Variants in YY1AP1 observed in about 807,000 individuals in gnomAD.
The protein encoded by YY1AP1 is YY1-associated protein 1.
Under a neutral mutation model 39.9 loss-of-function variants are expected in YY1AP1, and 43 were observed. The ratio of observed to expected loss-of-function variants is 1.08; its 90% confidence interval spans 0.84 to 1.39. The LOEUF (loss-of-function observed/expected upper bound fraction) is 1.39, where lower values mean the gene tolerates loss of function less well. Among genes scored for constraint, YY1AP1 ranks in the 40% most tolerant of loss-of-function variants. The pLI, the probability that YY1AP1 is intolerant of heterozygous loss-of-function variation, is 0.00. For synonymous variants in YY1AP1, 292 were observed against 331.3 expected, an observed-to-expected ratio of 0.88 and a Z score of 1.29; for missense variants, 813 against 900.7, an observed-to-expected ratio of 0.90 and a Z score of 1.25.
In YY1AP1 at chr1:155,660,316, T is replaced by C; in HGVS notation, c.1594A>G (p.Lys532Glu). Reference protein sequence around the residue: ...RKPYVRRRPSKRRGARAFRCI... With the variant: ...RKPYVRRRPSERRGARAFRCI... ...CGAAAGGCCCTGGCTCCCCTTCTTT[T>C]TGAGGGTCTCCGTCTCACATATGGC... Residue 532 changes from lysine (K) to glutamate (E), a missense_variant, in exon 11 of 11, where the codon AAA becomes GAA. Transcript: ENST00000355499. 1 of 1,614,170 alleles carries C rather than the reference T, an allele frequency of 6.2e-7. No individual in the cohort carries two copies. Among genetic ancestry groups the C allele is most frequent in the Non-Finnish European group, 8.5e-7 (1 of 1,180,026 alleles).
At chr1:155,686,748 A>C (rs1652448280) in intron 2 of YY1AP1, among the ~76,000 whole-genome samples, 1 of 152,164 alleles carries the variant, frequency 6.6e-6, no homozygotes, top group Admixed American at 6.5e-5. Context: ...TTCCTCCATA[A>C]ATCCAAAATA....
intron 9 of YY1AP1, among the ~76,000 whole-genome samples, chr1:155,662,111 T>C (rs147728276): frequency 6.0e-5 from 9 of 151,104 alleles, no homozygotes; most frequent in Non-Finnish European, 1.0e-4. Context: ...ATCTATAAAA[T>C]GGACACATCA....
Position 155,659,806 on chromosome 1 carries a change from C to CGGTCCAGCGATAGG in YY1AP1, c.2090_2103dup (p.Val702ProfsTer7). 1 of 1,614,228 alleles carries CGGTCCAGCGATAGG rather than the reference C, an allele frequency of 6.2e-7. No homozygotes were observed. The highest frequency in any genetic ancestry group is 1.7e-5 in the Admixed American group (1 of 60,028). On this transcript the variant is annotated frameshift_variant, in exon 11 of 11. Transcript: ENST00000355499. LOFTEE classifies it low-confidence loss of function (END_TRUNC). ...TGCCTTCCCTCCTCTGTTTTCACAA[C>CGGTCCAGCGATAGG]GGTCCAGCGATAGGCACTGTTCTCT...
At chr1:155,678,467 T>C (rs567266220) in intron 4 of YY1AP1, among the ~76,000 whole-genome samples, 2 of 152,344 alleles carry the variant, frequency 1.3e-5, no homozygotes, top group African/African-American at 4.8e-5. Context: ...AATCAGATCC[T>C]ATTATACGTT....
chr1:155,675,817 AAG>A (rs1650570453), intron 5 of YY1AP1, among the ~76,000 whole-genome samples: 1 of 152,236 alleles, frequency 6.6e-6, no homozygotes. Context: ...GCTTTCTGCA[AAG>A]AGTGTGAGAA....
chr1:155,678,852 C>T (rs937057639), intron 4 of YY1AP1, among the ~76,000 whole-genome samples: 1 of 152,140 alleles, frequency 6.6e-6, no homozygotes, highest in African/African-American at 2.4e-5. Context: ...GCTGCTACAA[C>T]AGAATAAAGT....
intron 2 of YY1AP1, among the ~76,000 whole-genome samples, chr1:155,682,083 T>C (rs1234187491): frequency 6.6e-6 from 1 of 152,194 alleles, no homozygotes; most frequent in East Asian, 1.9e-4. Flanking sequence ...CAATGCCCAA[T>C]GACAGACTAA....
At chr1:155,666,251 A>G (rs986535016) in intron 9 of YY1AP1, among the ~76,000 whole-genome samples, 1 of 151,914 alleles carries the variant, frequency 6.6e-6, no homozygotes, top group Non-Finnish European at 1.5e-5. Flanking sequence ...CCTCCCGAGT[A>G]GCTGGGACTA....
chr1:155,665,270 A>C (rs1648794274), intron 9 of YY1AP1, among the ~76,000 whole-genome samples: 1 of 151,884 alleles, frequency 6.6e-6, no homozygotes, highest in South Asian at 2.1e-4. Flanking sequence ...TTTAAAATTC[A>C]GAAAAAAATT....
intron 7 of YY1AP1, among the ~76,000 whole-genome samples, chr1:155,671,684 C>T (rs918878065): frequency 6.6e-6 from 1 of 152,136 alleles, no homozygotes; most frequent in Non-Finnish European, 1.5e-5. Context: ...CCATATTTCT[C>T]CTTCCATAAG....
intron 9 of YY1AP1, among the ~76,000 whole-genome samples, chr1:155,665,502 G>C (rs1443897858): frequency 6.6e-6 from 1 of 151,952 alleles, no homozygotes; most frequent in Non-Finnish European, 1.5e-5. Context: ...GGGAGGCTGA[G>C]GCAGGAGAAT....
chr1:155,686,813 T>A (rs532787140), intron 2 of YY1AP1, among the ~76,000 whole-genome samples: 2 of 152,210 alleles, frequency 1.3e-5, no homozygotes, highest in East Asian at 3.9e-4. Context: ...GACAGCTACG[T>A]TCCACATACA....
In YY1AP1 at chr1:155,676,757, C is replaced by G. The variant is rs770166223; in HGVS notation, c.126-11G>C. On this transcript the variant is annotated splice_polypyrimidine_tract_variant and intron_variant, in intron 4 of 10. Coordinates refer to ENST00000355499, the MANE Select transcript of YY1AP1 (RefSeq NM_139119.3). Reference sequence around the variant, plus strand: ...AGTAGTTCCTCAAACCTATCCCAAACGGGGATGACTGAATTTGAGTGTTTT... The same window carrying G: ...AGTAGTTCCTCAAACCTATCCCAAAGGGGGATGACTGAATTTGAGTGTTTT... The G allele has an allele frequency of 6.2e-7, 1 of 1,613,358 alleles. No individual in the cohort carries two copies. The highest frequency in any genetic ancestry group is 8.5e-7 in the Non-Finnish European group (1 of 1,179,666).
At position 155,675,034 on chromosome 1, in the gene YY1AP1, CTCCGGATTGAG is replaced by C; in HGVS notation, c.376_386del (p.Leu126GlyfsTer3). On this transcript the variant is annotated frameshift_variant, in exon 6 of 11. Transcript: ENST00000355499. LOFTEE classifies it high-confidence loss of function. ...CAAGACATATCCTGGTGCTACTGGC[CTCCGGATTGAG>C]ATTGGGGTTGCAGGTGGCAAGAAGG... The C allele has an allele frequency of 6.2e-7, 1 of 1,613,642 alleles. No homozygotes were observed. Among genetic ancestry groups the C allele is most frequent in the Non-Finnish European group, 8.5e-7 (1 of 1,179,724 alleles).
chr1:155,673,135 C>A (rs1181282579), intron 6 of YY1AP1, among the ~76,000 whole-genome samples: 5 of 152,156 alleles, frequency 3.3e-5, no homozygotes, highest in Admixed American at 3.3e-4. Flanking sequence ...CCTCCCACTG[C>A]CTCCTGAGAA....
intron 6 of YY1AP1, 141 bp downstream of exon 6, chr1:155,674,869 G>A: frequency 2.9e-6 from 2 of 684,658 alleles, no homozygotes; most frequent in Non-Finnish European, 5.0e-6. Flanking sequence ...GTCCTTTCAT[G>A]TGAATCAGTG....
intron 7 of YY1AP1, chr1:155,670,675 C>A: frequency 3.1e-6 from 1 of 326,002 alleles, no homozygotes; most frequent in Non-Finnish European, 5.7e-6. Flanking sequence ...TAAAAGTTGA[C>A]TTTTTTTTTT....
chr1:155,676,636 T>G lies in YY1AP1; in HGVS notation c.236A>C (p.Glu79Ala). Residue 79 changes from glutamate to alanine, a missense_variant, in exon 5 of 11, where the codon GAG becomes GCG. Transcript: ENST00000355499. ...TTCCTTACACTGGGGTTTAACCTTCTCTACCTCCTTCTGCTGTTTGGCTGA... is the reference window on the plus strand; with the variant it reads ...TTCCTTACACTGGGGTTTAACCTTCGCTACCTCCTTCTGCTGTTTGGCTGA... Reference protein sequence around the residue: ...KPSAKQQKEVEKVKPQCKEVH... With the variant: ...KPSAKQQKEVAKVKPQCKEVH... The G allele has an allele frequency of 6.2e-7, 1 of 1,614,204 alleles. No individual in the cohort carries two copies.
chr1:155,679,883 G>A, intron 3 of YY1AP1: 1 of 893,524 alleles, frequency 1.1e-6, no homozygotes, highest in South Asian at 2.3e-5. Context: ...GACAGTAGGG[G>A]AAGCCATCAA....
Sources: allele counts gnomAD v4.1 joint callset (sites outside exome capture counted in the v4.1 genomes callset), GRCh38; gene constraint gnomAD v4.1.1; transcripts MANE v1.5; gene names NCBI Gene and HGNC (gene_info 2026-07-23, HGNC 2026-07-21).